The following GATAD1 variants were observed in gnomAD, a reference collection of about 807,000 sequenced individuals.
The protein encoded by GATAD1 is GATA zinc finger domain containing 1.
In GATAD1, 12 loss-of-function variants were observed where a neutral mutation model predicts 26.5. That is an observed-to-expected ratio of 0.45 (90% CI 0.29 to 0.73). The LOEUF is 0.73. Ranked by LOEUF, GATAD1 falls within the 30% of genes least tolerant of loss-of-function variation. The pLI is 0.10. For synonymous variants in GATAD1, 129 were observed against 133.1 expected (o/e 0.97, Z 0.21); for missense variants, 266 against 342.1 (o/e 0.78, Z 1.75).
intron 2 of GATAD1, chr7:92,449,213 G>A: frequency 2.1e-6 from 2 of 942,578 alleles, no homozygotes; most frequent in Non-Finnish European, 2.6e-6. Flanking sequence ...GATATGGCCA[G>A]GTACACTAAG....
At chr7:92,470,059 T>G in the GATAD1 span, 1 of 778,822 alleles carries the variant, frequency 1.3e-6, no homozygotes, top group Non-Finnish European at 2.4e-6. Flanking sequence ...TTGGGTGAAG[T>G]AAGTCCAACA....
downstream of GATAD1, among the ~76,000 whole-genome samples, chr7:92,461,994 A>T (rs1230100084): frequency 1.3e-5 from 2 of 152,232 alleles, no homozygotes; most frequent in African/African-American, 4.8e-5. Flanking sequence ...GCACAGAGGG[A>T]CACCCTATCC....
At chr7:92,468,496 C>A in the GATAD1 span, 1 of 288,246 alleles carries the variant, frequency 3.5e-6, no homozygotes. Flanking sequence ...ATATCCCGAT[C>A]ATTGTCCCTC....
Position 92,447,636 on chromosome 7 carries a change from T to C in GATAD1, c.-94T>C. ...GCCGACGCTCTCACCGCTCTTCCTA[T>C]CGCCGGGAGTGGCGGGCCGACCAGG... On this transcript the variant is annotated 5_prime_UTR_variant, in exon 1 of 5. Coordinates refer to ENST00000287957, the MANE Select transcript of GATAD1 (RefSeq NM_021167.5). The C allele has an allele frequency of 7.6e-7, 1 of 1,315,478 alleles. No homozygotes were observed. Among genetic ancestry groups the C allele is most frequent in the South Asian group, 1.9e-5 (1 of 52,424 alleles). 81.5% of individuals were successfully genotyped at this position (1,315,478 alleles called of 1,614,324 possible).
chr7:92,455,137 C>T (rs111520331), intron 4 of GATAD1, among the ~76,000 whole-genome samples: 1 of 151,444 alleles, frequency 6.6e-6, no homozygotes, highest in Non-Finnish European at 1.5e-5. Flanking sequence ...CAGTCCATAA[C>T]AAAAAAAGCA....
At chr7:92,475,963 A>G in the GATAD1 span, among the ~76,000 whole-genome samples, 1 of 152,184 alleles carries the variant, frequency 6.6e-6, no homozygotes, top group Non-Finnish European at 1.5e-5. Flanking sequence ...GAGACCAGTT[A>G]TTAGGCAATT....
the GATAD1 span, chr7:92,468,483 T>G: frequency 3.8e-6 from 1 of 262,198 alleles, no homozygotes; most frequent in Non-Finnish European, 7.2e-6. Flanking sequence ...AAGACTTGGG[T>G]TTATATCCCG....
At chr7:92,488,308 CCT>C in the GATAD1 span, among the ~76,000 whole-genome samples, 64 of 152,132 alleles carry the variant, frequency 4.2e-4, no homozygotes, top group African/African-American at 6.0e-4. Context: ...TTTTTCCTTA[CCT>C]CTGTTTTCTG....
chr7:92,494,240 A>G, the GATAD1 span: 1 of 1,306,890 alleles, frequency 7.7e-7, no homozygotes, highest in East Asian at 2.3e-5. Flanking sequence ...AAAGCTCACA[A>G]GGAAAGAGTG....
intron 2 of GATAD1, chr7:92,449,116 A>G (rs1329496199): frequency 1.4e-5 from 17 of 1,187,020 alleles, no homozygotes; most frequent in Non-Finnish European, 4.2e-6. Context: ...CCTGGAAAAT[A>G]TAAAATATGG....
chr7:92,476,971 A>T, the GATAD1 span, among the ~76,000 whole-genome samples: 1 of 152,154 alleles, frequency 6.6e-6, no homozygotes, highest in Admixed American at 6.5e-5. Context: ...TTCAGAGGTA[A>T]GGAGAATTTT....
At chr7:92,469,200 C>T in the GATAD1 span, 2 of 743,484 alleles carry the variant, frequency 2.7e-6, no homozygotes, top group Non-Finnish European at 4.9e-6. Context: ...AACAGGTTCC[C>T]CCTCTTTCAG....
chr7:92,461,199 C>A (rs1789908768), downstream of GATAD1: 1 of 152,266 alleles, frequency 6.6e-6, no homozygotes. Context: ...GTAAAGGTCA[C>A]CAGCTTCTTC....
rs192745223 is a variant in GATAD1 at position 92,447,524 on chromosome 7, T to C, written c.-206T>C. On this transcript the variant is annotated 5_prime_UTR_variant, in exon 1 of 5. Coordinates refer to ENST00000287957, the MANE Select transcript of GATAD1 (RefSeq NM_021167.5). ...CCCAGTGCCTCGGGCCAGGGAATCC[T>C]GGCCTCCGCCTGCGGAGCCGGCGGA... The C allele has an allele frequency of 3.8e-4, 183 of 486,376 alleles. No homozygotes were observed. The highest frequency in any genetic ancestry group is 2.9e-3 in the African/African-American group (141 of 48,870). The allele number at this position is 486,376 out of a possible 1,614,324, so 30.1% of individuals were successfully genotyped here.
chr7:92,456,619 C>T lies in GATAD1; in HGVS notation c.*57C>T. ...GTGTGGTGGCTCACGCCTGTAGCCC[C>T]AGCTATTGCACCACTGCTCTCCAAG... is the stretch of plus-strand genomic sequence containing the variant. On this transcript the variant is annotated 3_prime_UTR_variant, in exon 5 of 5. Coordinates refer to ENST00000287957, the MANE Select transcript of GATAD1 (RefSeq NM_021167.5). 4.7e-6 allele frequency: 5 copies of T among 1,069,554 alleles called. No individual in the cohort carries two copies. The Admixed American group carries it at 8.1e-5, about 17-fold the overall frequency. The allele number at this position is 1,069,554 out of a possible 1,614,324, so 66.3% of individuals were successfully genotyped here. A position where few individuals can be genotyped will look rare whatever the true frequency, so the allele number is the denominator to read the frequency against.
the GATAD1 span, among the ~76,000 whole-genome samples, chr7:92,488,592 G>A: frequency 1.3e-5 from 2 of 152,206 alleles, no homozygotes; most frequent in Admixed American, 1.3e-4. Flanking sequence ...GTATTTAAAT[G>A]TTCTTGAGGT....
In GATAD1 at chr7:92,447,975, G is replaced by C. The variant is rs1308276295; in HGVS notation, c.246G>C (p.Lys82Asn). 1.6e-6 allele frequency: 2 copies of C among 1,221,426 alleles called. No individual in the cohort carries two copies. Among genetic ancestry groups the C allele is most frequent in the African/African-American group, 3.1e-5 (2 of 63,538 alleles). 75.7% of individuals were successfully genotyped at this position (1,221,426 alleles called of 1,614,324 possible). A position where few individuals can be genotyped will look rare whatever the true frequency, so the allele number is the denominator to read the frequency against. Residue 82 changes from lysine (K) to asparagine (N), a missense_variant, in exon 1 of 5, where the codon AAG (lysine) becomes AAC (asparagine). Transcript: ENST00000287957. ...AGAGCAACGGGGGCGGGGGCGGCAA[G>C]CAGGTGAGCTCCTCCGGCCCCTCCC... ...PPQSNGGGGG[K>N]QSKQEIHRRS...
At position 92,458,315 on chromosome 7, in the gene GATAD1, T is replaced by C. The variant is rs1789773517; in HGVS notation, c.*1753T>C. ...CTTCACCAAAGCCGCAGAGGAAACATGTCGAGATCAGGCTTCCTGCTTGAT... is the reference window on the plus strand; with the variant it reads ...CTTCACCAAAGCCGCAGAGGAAACACGTCGAGATCAGGCTTCCTGCTTGAT... On this transcript the variant is annotated 3_prime_UTR_variant, in exon 5 of 5. Coordinates refer to ENST00000287957, the MANE Select transcript of GATAD1 (RefSeq NM_021167.5). The C allele has an allele frequency of 6.6e-6, 1 of 152,146 alleles. No individual in the cohort carries two copies. Among genetic ancestry groups the C allele is most frequent in the Admixed American group, 6.5e-5 (1 of 15,280 alleles). The allele number at this position is 152,146 out of a possible 1,614,324, so 9.4% of individuals were successfully genotyped here. A position where few individuals can be genotyped will look rare whatever the true frequency, so the allele number is the denominator to read the frequency against.
chr7:92,492,953 C>T, the GATAD1 span: 2 of 1,611,682 alleles, frequency 1.2e-6, no homozygotes, highest in East Asian at 2.2e-5. Context: ...TATAACTTGC[C>T]TGGAGTCCAC....
Sources: allele counts gnomAD v4.1 joint callset (sites outside exome capture counted in the v4.1 genomes callset), GRCh38; gene constraint gnomAD v4.1.1; transcripts MANE v1.5; gene names NCBI Gene and HGNC (gene_info 2026-07-23, HGNC 2026-07-21).